MAPK8: variants seen among roughly 807,000 people sequenced by gnomAD.
MAPK8 encodes mitogen-activated protein kinase 8, also known as JUN N-terminal kinase.
MAPK8 carries 13 observed loss-of-function variants against 52.9 expected under a neutral mutation model. That is an observed-to-expected ratio of 0.25 (90% CI 0.16 to 0.39). The LOEUF (loss-of-function observed/expected upper bound fraction) is 0.39. MAPK8 is among the 10% of genes least tolerant of loss of function. MAPK8 has a pLI of 1.00. For missense variants in MAPK8, 300 were observed against 519.2 expected, an observed-to-expected ratio of 0.58 and a Z score of 4.10; for synonymous variants, 191 against 169.8, an observed-to-expected ratio of 1.12 and a Z score of -0.97.
intron 2 of MAPK8, among the ~76,000 whole-genome samples, chr10:48,402,202 A>G (rs2042195276): frequency 6.6e-6 from 1 of 152,208 alleles, no homozygotes; most frequent in South Asian, 2.1e-4. Flanking sequence ...TCTATAAACT[A>G]GCACTGCCAT....
intron 1 of MAPK8, among the ~76,000 whole-genome samples, chr10:48,323,288 T>C (rs1388107390): frequency 6.6e-6 from 1 of 152,224 alleles, no homozygotes; most frequent in East Asian, 1.9e-4. Context: ...TGTAATGATA[T>C]TGTCATAATT....
rs575004779 is a variant in MAPK8 at position 48,410,258 on chromosome 10, T to C, written c.450+90T>C. ...ATTAACCATTCTAAAGTGGCATTTT[T>C]AGTACATTCACAGTGCTGTACAACT... On this transcript the variant is annotated intron_variant, in intron 5 of 11. Coordinates refer to ENST00000374189, the MANE Select transcript of MAPK8 (RefSeq NM_001323329.2). 29 of 1,155,276 alleles carry C rather than the reference T, an allele frequency of 2.5e-5. No individual in the cohort carries two copies. In the South Asian group the frequency reaches 6.1e-4, roughly 24 times the overall value. 71.6% of individuals were successfully genotyped at this position (1,155,276 alleles called of 1,614,324 possible). A position where few individuals can be genotyped will look rare whatever the true frequency, so the allele number is the denominator to read the frequency against.
chr10:48,430,309 GTCTC>G (rs2044096147), intron 10 of MAPK8: 1 of 152,136 alleles, frequency 6.6e-6, no homozygotes, highest in Non-Finnish European at 1.5e-5. Context: ...GGTCAGGCTT[GTCTC>G]AAATTCCTGA....
At chr10:48,351,426 G>A (rs1846313835) in intron 1 of MAPK8, among the ~76,000 whole-genome samples, 1 of 151,826 alleles carries the variant, frequency 6.6e-6, no homozygotes, top group South Asian at 2.1e-4. Context: ...GCCCAGGCTG[G>A]TCTCAAACTG....
intron 3 of MAPK8, among the ~76,000 whole-genome samples, chr10:48,406,716 T>A (rs1298064487): frequency 6.6e-6 from 1 of 152,246 alleles, no homozygotes; most frequent in Non-Finnish European, 1.5e-5. Context: ...GATTGTCTCT[T>A]CACTGGTCTA....
chr10:48,424,204 T>C (rs962538611), intron 7 of MAPK8, 45 bp downstream of exon 7: 2 of 1,476,682 alleles, frequency 1.4e-6, no homozygotes. Context: ...GGCGATGAAC[T>C]TCTTTATGTT....
intron 1 of MAPK8, among the ~76,000 whole-genome samples, chr10:48,342,762 A>G (rs181478637): frequency 1.3e-3 from 205 of 152,214 alleles, no homozygotes; most frequent in African/African-American, 4.8e-3. Context: ...AGAGGACCAG[A>G]TTGGTTTTTG....
chr10:48,420,076 G>A lies in MAPK8; in HGVS notation c.451-79G>A, dbSNP rs182024858. ...ACAATTAACATGAATGTTTTGCAAG[G>A]GATAGTATAACTTTATTGTGAACTG... On this transcript the variant is annotated intron_variant, in intron 5 of 11. Transcript: ENST00000374189. 131 of 1,035,692 alleles carry A rather than the reference G, an allele frequency of 1.3e-4. 1 individual carries two copies. In the Admixed American group the frequency reaches 2.7e-3, roughly 21 times the overall value. The allele number at this position is 1,035,692 out of a possible 1,614,324, so 64.2% of individuals were successfully genotyped here.
chr10:48,348,407 C>T (rs1206998802), intron 1 of MAPK8, among the ~76,000 whole-genome samples: 14 of 152,118 alleles, frequency 9.2e-5, no homozygotes. Context: ...TCCCATTTGT[C>T]AATTTTGGTT....
chr10:48,348,829 G>A (rs918818022), intron 1 of MAPK8, among the ~76,000 whole-genome samples: 5 of 151,636 alleles, frequency 3.3e-5, no homozygotes, highest in African/African-American at 4.8e-5. Flanking sequence ...GTGATGCCTC[G>A]AGCTTTGTTC....
chr10:48,326,382 C>T (rs1564483961), intron 1 of MAPK8, among the ~76,000 whole-genome samples: 1 of 152,286 alleles, frequency 6.6e-6, no homozygotes, highest in South Asian at 2.1e-4. Flanking sequence ...ATACTTCCAT[C>T]GGTGTGGGTG....
intron 1 of MAPK8, among the ~76,000 whole-genome samples, chr10:48,360,982 T>C (rs1201471219): frequency 2.6e-5 from 4 of 152,194 alleles, no homozygotes; most frequent in Non-Finnish European, 5.9e-5. Context: ...TAATAGTTTT[T>C]GTAAGATGCA....
intron 2 of MAPK8, among the ~76,000 whole-genome samples, chr10:48,402,165 T>C (rs1334060023): frequency 1.3e-5 from 2 of 152,222 alleles, no homozygotes; most frequent in African/African-American, 4.8e-5. Flanking sequence ...TTTGGGATAA[T>C]AACCTGTATT....
intron 7 of MAPK8, chr10:48,424,579 A>G: frequency 1.3e-6 from 2 of 1,591,192 alleles, no homozygotes. Context: ...GTTCCCAGGT[A>G]CAGATCGTAT....
intron 9 of MAPK8, 171 bp from the exon 10 acceptor site, chr10:48,426,908 AT>A (rs1278349627): frequency 1.8e-6 from 1 of 541,958 alleles, no homozygotes; most frequent in African/African-American, 1.9e-5. Flanking sequence ...ATTTCCTGCA[AT>A]GAAGGAGTCT....
intron 2 of MAPK8, among the ~76,000 whole-genome samples, chr10:48,402,732 C>G (rs1349895218): frequency 6.6e-6 from 1 of 152,174 alleles, no homozygotes; most frequent in Non-Finnish European, 1.5e-5. Flanking sequence ...TCCAGTATTT[C>G]TCCTAGGTTC....
At chr10:48,424,906 A>G (rs2043583306) in intron 7 of MAPK8, among the ~76,000 whole-genome samples, 1 of 151,994 alleles carries the variant, frequency 6.6e-6, no homozygotes, top group South Asian at 2.1e-4. Context: ...ACTTAATATG[A>G]ATTTTGGAGC....
intron 9 of MAPK8, 73 bp from the exon 10 acceptor site, chr10:48,427,007 A>G: frequency 9.5e-7 from 1 of 1,056,226 alleles, no homozygotes. Flanking sequence ...TGTGTGGCTA[A>G]TATTTCAAAT....
chr10:48,392,037 T>C (rs939175305), intron 1 of MAPK8, among the ~76,000 whole-genome samples: 3 of 152,160 alleles, frequency 2.0e-5, no homozygotes, highest in African/African-American at 7.2e-5. Flanking sequence ...CTTGAGCCTT[T>C]CATGGAGATT....
Sources: gnomAD v4.1 joint callset for allele counts (sites outside exome capture counted in the v4.1 genomes callset) on GRCh38, gnomAD v4.1.1 for gene constraint, MANE v1.5 for transcripts, NCBI Gene and HGNC (gene_info 2026-07-23, HGNC 2026-07-21) for gene names.